Variants in SHANK2 observed in about 807,000 individuals in gnomAD.
SHANK2 encodes SH3 and multiple ankyrin repeat domains protein 2.
Under a neutral mutation model 133.7 loss-of-function variants are expected in SHANK2, and 43 were observed. That is an observed-to-expected ratio of 0.32 (90% confidence interval 0.25 to 0.41). The LOEUF is 0.41. Ranked by LOEUF, SHANK2 falls within the 10% of genes least tolerant of loss-of-function variation. The pLI, the probability that SHANK2 is intolerant of heterozygous loss-of-function variation, is 1.00. For missense variants in SHANK2, 1,994 were observed against 2,235.8 expected (o/e 0.89, Z 2.18); for synonymous variants, 1,017 against 952.8 (o/e 1.07, Z -1.24).
At chr11:70,732,944 C>T (rs782583023) in intron 14 of SHANK2, among the ~76,000 whole-genome samples, 3 of 152,220 alleles carry the variant, frequency 2.0e-5, no homozygotes, top group South Asian at 2.1e-4. Flanking sequence ...ACACACAGCC[C>T]GCGCGAATAG....
chr11:71,108,821 G>A (rs1468295789), intron 6 of SHANK2, among the ~76,000 whole-genome samples: 1 of 152,152 alleles, frequency 6.6e-6, no homozygotes, highest in Non-Finnish European at 1.5e-5. Flanking sequence ...AGCCCGTGCC[G>A]GCTTCTCCTG....
At chr11:71,101,721 T>A (rs1299047164) in intron 6 of SHANK2, among the ~76,000 whole-genome samples, 2 of 152,204 alleles carry the variant, frequency 1.3e-5, no homozygotes, top group African/African-American at 4.8e-5. Flanking sequence ...CCCCTTCTGC[T>A]CTTCAAGACG....
intron 14 of SHANK2, among the ~76,000 whole-genome samples, chr11:70,715,555 T>C (rs551146564): frequency 6.6e-6 from 1 of 152,338 alleles, no homozygotes; most frequent in Non-Finnish European, 1.5e-5. Context: ...TGAATCAAGC[T>C]GTTGGCTGTC....
At chr11:70,682,894 C>T (rs530471885) in intron 15 of SHANK2, among the ~76,000 whole-genome samples, 193 of 152,220 alleles carry the variant, frequency 1.3e-3, no homozygotes, top group Non-Finnish European at 1.9e-3. Context: ...ACCGCACCAC[C>T]GAGGCATGGG....
At chr11:70,834,973 C>T (rs868938339) in intron 11 of SHANK2, among the ~76,000 whole-genome samples, 33 of 152,184 alleles carry the variant, frequency 2.2e-4, no homozygotes, top group Admixed American at 1.6e-3. Flanking sequence ...AGCTTTAGGG[C>T]CAAGAACATG....
In SHANK2 at chr11:70,487,168, C is replaced by G. The variant is rs782550375; in HGVS notation, c.3125G>C (p.Ser1042Thr). Residue 1042 changes from serine (S) to threonine (T), a missense_variant, in exon 25 of 26, where the codon AGC (serine) becomes ACC (threonine). Ser to Thr is a moderately conservative substitution (Grantham distance 58, BLOSUM62 1). Transcript: ENST00000601538. This position sits in a 1 kb window ranked among gnomAD's most constrained non-coding sequence, Gnocchi z 5.8. Reference protein sequence around the residue: ...PTIIVKEPSTSSSGKSSQGSS... With the variant: ...PTIIVKEPSTTSSGKSSQGSS... Reference sequence around the variant, plus strand: ...GCCCTGGCTGCTCTTGCCGCTGCTGCTGGTGGACGGCTCCTTCACGATGAT... The same window carrying G: ...GCCCTGGCTGCTCTTGCCGCTGCTGGTGGTGGACGGCTCCTTCACGATGAT... The G allele has an allele frequency of 6.2e-7, 1 of 1,613,386 alleles. No homozygotes were observed. The highest frequency in any genetic ancestry group is 1.1e-5 in the South Asian group (1 of 91,086).
At chr11:70,924,727 G>GA (rs1950403152) in intron 10 of SHANK2, among the ~76,000 whole-genome samples, 1 of 152,126 alleles carries the variant, frequency 6.6e-6, no homozygotes, top group Non-Finnish European at 1.5e-5. Context: ...AAAGTGCAGG[G>GA]ATTACAGGCT....
intron 2 of SHANK2, among the ~76,000 whole-genome samples, chr11:71,174,284 A>G (rs1194282381): frequency 1.3e-5 from 2 of 152,216 alleles, no homozygotes; most frequent in South Asian, 2.1e-4. Flanking sequence ...TCACACCTGT[A>G]ATCCCAGTAC....
chr11:71,094,819 C>G, intron 6 of SHANK2, 131 bp from the exon 7 acceptor site: 4 of 1,030,988 alleles, frequency 3.9e-6, no homozygotes, highest in Non-Finnish European at 5.5e-6. Context: ...TTACAGCTCC[C>G]ACCACCTGGG....
chr11:71,215,195 C>T lies in SHANK2; in HGVS notation c.-13+9502G>A, dbSNP rs77855869. Reference sequence around the variant, plus strand: ...CCGAGTGCTGGAAAGAACCACAGGCCCCAGCTCTCACCCTGGAGCCGCAGC... The same window carrying T: ...CCGAGTGCTGGAAAGAACCACAGGCTCCAGCTCTCACCCTGGAGCCGCAGC... On this transcript the variant is annotated intron_variant, in intron 2 of 25. Coordinates refer to ENST00000601538, the MANE Select transcript of SHANK2 (RefSeq NM_012309.5). Among the ~76,000 whole-genome samples the T allele has an allele frequency of 5.0e-4, 76 of 152,314 alleles. No homozygotes were observed. In the East Asian group the frequency reaches 0.012, roughly 24 times the overall value.
intron 17 of SHANK2, among the ~76,000 whole-genome samples, chr11:70,570,407 G>T (rs1554982835): frequency 4.6e-5 from 7 of 152,306 alleles, no homozygotes. Context: ...ATACTGTCTG[G>T]CTCTCTTTAG....
At chr11:70,770,305 T>C (rs1947219029) in intron 14 of SHANK2, among the ~76,000 whole-genome samples, 1 of 152,206 alleles carries the variant, frequency 6.6e-6, no homozygotes, top group Non-Finnish European at 1.5e-5. Flanking sequence ...AGGAATCTTG[T>C]ATACACAGCA....
chr11:70,841,407 T>C (rs945177323), intron 11 of SHANK2, among the ~76,000 whole-genome samples: 23 of 152,168 alleles, frequency 1.5e-4, no homozygotes, highest in African/African-American at 5.3e-4. Flanking sequence ...GCACAGCCAT[T>C]TTCCCCATTA....
intron 17 of SHANK2, among the ~76,000 whole-genome samples, chr11:70,614,270 GAC>G (rs1452801936): frequency 1.3e-5 from 2 of 151,644 alleles, no homozygotes; most frequent in Non-Finnish European, 2.9e-5. Context: ...AGCATCCAAT[GAC>G]ACAGTAAAAG....
At chr11:71,061,520 T>A (rs1490995338) in intron 9 of SHANK2, among the ~76,000 whole-genome samples, 1 of 152,134 alleles carries the variant, frequency 6.6e-6, no homozygotes, top group East Asian at 1.9e-4. Flanking sequence ...TTCCTCCTTT[T>A]TAAAGTGGGG....
chr11:70,658,284 C>G (rs868978402), intron 17 of SHANK2, among the ~76,000 whole-genome samples: 4 of 96,062 alleles, frequency 4.2e-5, no homozygotes, highest in East Asian at 2.7e-4. Context: ...CACACACAGA[C>G]ACACACACAC....
intron 17 of SHANK2, among the ~76,000 whole-genome samples, chr11:70,542,109 C>T (rs1554975260): frequency 6.6e-6 from 1 of 152,250 alleles, no homozygotes; most frequent in African/African-American, 2.4e-5. Context: ...AGAGAAGTTA[C>T]AAAAACAGAC....
intron 10 of SHANK2, among the ~76,000 whole-genome samples, chr11:70,914,329 G>A (rs1370534247): frequency 6.6e-6 from 1 of 151,970 alleles, no homozygotes; most frequent in Non-Finnish European, 1.5e-5. Flanking sequence ...GGCACCAGGA[G>A]AGCATGAGCA....
At chr11:71,212,433 T>C (rs1471220981) in intron 2 of SHANK2, among the ~76,000 whole-genome samples, 1 of 152,246 alleles carries the variant, frequency 6.6e-6, no homozygotes, top group Non-Finnish European at 1.5e-5. Flanking sequence ...ACAGCCCTTT[T>C]CCTAGGACTT....
Sources: allele counts gnomAD v4.1 joint callset (sites outside exome capture counted in the v4.1 genomes callset), GRCh38; gene constraint gnomAD v4.1.1; non-coding constraint Gnocchi (gnomAD v3.1); transcripts MANE v1.5; gene names NCBI Gene and HGNC (gene_info 2026-07-23, HGNC 2026-07-21).